Variants in SDE2 observed in about 807,000 individuals in gnomAD.
SDE2 encodes the protein spliceosome associated SDE2.
A neutral mutation model predicts 46.9 loss-of-function variants in SDE2; 31 were observed. The ratio of observed to expected loss-of-function variants is 0.66; its 90% CI spans 0.50 to 0.89. The LOEUF (loss-of-function observed/expected upper bound fraction) is 0.89, where lower values mean the gene tolerates loss of function less well. Among genes scored for constraint, SDE2 ranks in the 40% least tolerant of loss-of-function variants. SDE2 has a pLI of 0.00. For synonymous variants in SDE2, 205 were observed against 204.3 expected (o/e 1.00, Z -0.03); for missense variants, 542 against 564.4 (o/e 0.96, Z 0.40).
intron 5 of SDE2, among the ~76,000 whole-genome samples, chr1:225,988,884 T>C (rs1002270468): frequency 2.0e-5 from 3 of 152,176 alleles, no homozygotes; most frequent in Non-Finnish European, 4.4e-5. Flanking sequence ...GGACCAACTG[T>C]CCCAAAGATC....
chr1:225,999,091 CCA>C, intron 1 of SDE2, 100 bp downstream of exon 1: 7 of 908,414 alleles, frequency 7.7e-6, no homozygotes, highest in Non-Finnish European at 1.2e-5. Flanking sequence ...AGTGAAAACC[CCA>C]GAGAATAAAC....
intron 5 of SDE2, among the ~76,000 whole-genome samples, chr1:225,989,628 CAAA>C (rs564387010): frequency 7.9e-5 from 6 of 76,064 alleles, no homozygotes; most frequent in Admixed American, 1.4e-4. Flanking sequence ...GATTCTGTCT[CAAA>C]AAAAAAAAAA....
intron 1 of SDE2, 31 bp from the exon 2 acceptor site, chr1:225,995,414 TTA>T: frequency 9.1e-7 from 1 of 1,100,776 alleles, no homozygotes; most frequent in South Asian, 1.3e-5. Flanking sequence ...TTAATGCCTT[TTA>T]TGAGATAATA....
chr1:225,996,399 G>A (rs1012274306), intron 1 of SDE2, among the ~76,000 whole-genome samples: 6 of 152,216 alleles, frequency 3.9e-5, no homozygotes, highest in East Asian at 1.9e-4. Context: ...TATGAAGGCA[G>A]AAAGTATACA....
In SDE2 at chr1:225,988,360, C is replaced by T. The variant is rs768406673; in HGVS notation, c.670G>A (p.Glu224Lys). Residue 224 changes from glutamate to lysine, a missense_variant, in exon 6 of 7, where the codon GAA becomes AAA. By Grantham distance (56) the Glu-to-Lys change is moderately conservative. Transcript: ENST00000272091. ...WLGMEGLETAEGSNSESSDDD... is the reference protein window; with the variant it reads ...WLGMEGLETAKGSNSESSDDD... ...TCTGAACTCTCAGAGTTGGACCCTTCTGCAGTCTCTAGTCCCTCCATGCCC... is the reference window on the plus strand; with the variant it reads ...TCTGAACTCTCAGAGTTGGACCCTTTTGCAGTCTCTAGTCCCTCCATGCCC... 6.2e-7 allele frequency: 1 copy of T among 1,614,186 alleles called. No homozygotes were observed. The highest frequency in any genetic ancestry group is 1.7e-5 in the Admixed American group (1 of 60,020).
At chr1:225,995,241 T>G (rs779263393) in intron 2 of SDE2, 25 bp downstream of exon 2, 1 of 1,099,762 alleles carries the variant, frequency 9.1e-7, no homozygotes, top group Admixed American at 1.8e-5. Flanking sequence ...GTGTTACAAC[T>G]AAGTAGTCAA....
chr1:225,993,935 A>C (rs12728399), intron 2 of SDE2, among the ~76,000 whole-genome samples: 5 of 9,648 alleles, frequency 5.2e-4, no homozygotes, highest in Non-Finnish European at 1.9e-3. Flanking sequence ...GCAGCTAGCT[A>C]TTTTTTTTTT....
At position 225,995,484 on chromosome 1, in the gene SDE2, G is replaced by C. The variant is rs1459762384; in HGVS notation, c.121-101C>G. 5.8e-5 allele frequency: 34 copies of C among 587,738 alleles called. No individual in the cohort carries two copies. The South Asian group carries it at 7.6e-4, about 13-fold the overall frequency. The allele number at this position is 587,738 out of a possible 1,614,324, so 36.4% of individuals were successfully genotyped here. On this transcript the variant is annotated intron_variant, in intron 1 of 6. Transcript: ENST00000272091. ...TCTTTTTATTACTCTGGTTACAACA[G>C]AGGGTGTTCAATTAATATTTGTTGA...
In SDE2 at chr1:225,992,513, C is replaced by T; in HGVS notation, c.405G>A (p.Lys135=). The T allele has an allele frequency of 6.2e-7, 1 of 1,612,604 alleles. No homozygotes were observed. Among genetic ancestry groups the T allele is most frequent in the Non-Finnish European group, 8.5e-7 (1 of 1,179,760 alleles). The change falls in exon 4 of 7, where the codon AAG becomes AAA. Residue 135 remains lysine (K), a synonymous_variant. Coordinates refer to ENST00000272091, the MANE Select transcript of SDE2 (RefSeq NM_152608.4). Reference sequence around the variant, plus strand: ...GCTTCCGCTGCAGTCGCTCCAGCCGCTTCTGCTCCTTTTCAGCCTCTCGCT... The same window carrying T: ...GCTTCCGCTGCAGTCGCTCCAGCCGTTTCTGCTCCTTTTCAGCCTCTCGCT... The part of the protein sequence containing the change: ...QAEREAEKEQ[K]RLERLQRKLV...
chr1:225,992,529 G>T lies in SDE2; in HGVS notation c.389C>A (p.Ala130Asp). ...CTCCAGCCGCTTCTGCTCCTTTTCAGCCTCTCGCTCGGCTTGTTGTTTTAC... is the reference window on the plus strand; with the variant it reads ...CTCCAGCCGCTTCTGCTCCTTTTCATCCTCTCGCTCGGCTTGTTGTTTTAC... ...EWVKQQAERE[A>D]EKEQKRLERL... Residue 130 changes from alanine to aspartate, a missense_variant, in exon 4 of 7, where the codon GCT (alanine) becomes GAT (aspartate). Physicochemically the swap from Ala to Asp is moderately radical, Grantham distance 126 (BLOSUM62 -2). Coordinates refer to ENST00000272091, the MANE Select transcript of SDE2 (RefSeq NM_152608.4). 2 of 1,611,450 alleles carry T rather than the reference G, an allele frequency of 1.2e-6. No individual in the cohort carries two copies.
chr1:225,994,119 C>T (rs1656467064), intron 2 of SDE2, among the ~76,000 whole-genome samples: 1 of 150,976 alleles, frequency 6.6e-6, no homozygotes, highest in Non-Finnish European at 1.5e-5. Context: ...CTGTGTCGCC[C>T]AGGCTGTAGT....
chr1:225,999,035 T>G (rs1459638595), intron 1 of SDE2, among the ~76,000 whole-genome samples, 158 bp downstream of exon 1: 4 of 152,054 alleles, frequency 2.6e-5, no homozygotes, highest in Non-Finnish European at 4.4e-5. Flanking sequence ...AAGGTCTCAG[T>G]AACAATTCGA....
intron 1 of SDE2, among the ~76,000 whole-genome samples, chr1:225,996,981 G>A (rs999973800): frequency 1.3e-5 from 2 of 152,166 alleles, no homozygotes; most frequent in African/African-American, 4.8e-5. Context: ...GAGTGGGAAG[G>A]TTCCCTCTTA....
chr1:225,988,571 A>G (rs1185140520), intron 5 of SDE2, among the ~76,000 whole-genome samples, 183 bp from the exon 6 acceptor site: 1 of 152,150 alleles, frequency 6.6e-6, no homozygotes, highest in East Asian at 1.9e-4. Flanking sequence ...TCTACTAAAA[A>G]TACAAAAATT....
At chr1:225,991,092 A>G in intron 5 of SDE2, 151 bp downstream of exon 5, 1 of 611,550 alleles carries the variant, frequency 1.6e-6, no homozygotes, top group Non-Finnish European at 2.8e-6. Flanking sequence ...ACAATGTGAC[A>G]ATCACTGAAA....
At chr1:225,988,510 C>G (rs2102702208) in intron 5 of SDE2, 122 bp from the exon 6 acceptor site, 2 of 911,754 alleles carry the variant, frequency 2.2e-6, no homozygotes, top group Non-Finnish European at 3.3e-6. Flanking sequence ...GCAGGCAGAT[C>G]ACGAAGTCAG....
At chr1:225,994,449 C>A (rs897654696) in intron 2 of SDE2, among the ~76,000 whole-genome samples, 2 of 152,228 alleles carry the variant, frequency 1.3e-5, no homozygotes, top group Non-Finnish European at 2.9e-5. Context: ...GAAAACCAAA[C>A]CAAATCACTG....
Position 225,985,859 on chromosome 1 carries a change from A to G in SDE2, c.1135-336T>C, listed in dbSNP as rs557671412. 8.5e-5 allele frequency among the ~76,000 whole-genome samples: 13 copies of G among 152,332 alleles called. No homozygotes were observed. The South Asian group carries it at 2.7e-3, about 32-fold the overall frequency. ...GCCTATCCCCACACTATTCCCACAG[A>G]AAGAGCAGGCACTCCTAAAAGCTTA... On this transcript the variant is annotated intron_variant, in intron 6 of 6. Transcript: ENST00000272091.
chr1:225,997,738 C>G (rs1293721513), intron 1 of SDE2, among the ~76,000 whole-genome samples: 4 of 152,164 alleles, frequency 2.6e-5, no homozygotes, highest in Non-Finnish European at 5.9e-5. Context: ...GCCTATATTT[C>G]TTGCTTCCGA....
Sources: gnomAD v4.1 joint callset for allele counts (sites outside exome capture counted in the v4.1 genomes callset) on GRCh38, gnomAD v4.1.1 for gene constraint, MANE v1.5 for transcripts, NCBI Gene and HGNC (gene_info 2026-07-23, HGNC 2026-07-21) for gene names.